NEK10: variants seen among roughly 807,000 people sequenced by gnomAD.
NEK10 encodes serine/threonine-protein kinase Nek10.
A neutral mutation model predicts 159.8 loss-of-function variants in NEK10; 122 were observed. The observed-to-expected ratio is 0.76, with a 90% CI of 0.66 to 0.89. The LOEUF (loss-of-function observed/expected upper bound fraction) is 0.89. Ranked by LOEUF, NEK10 falls within the 40% of genes least tolerant of loss-of-function variation. The pLI is 0.00. For synonymous variants in NEK10, 466 were observed against 457.1 expected (o/e 1.02, Z -0.25); for missense variants, 1,342 against 1,323.1 (o/e 1.01, Z -0.22).
At chr3:27,157,649 A>C (rs1450292842) in intron 30 of NEK10, among the ~76,000 whole-genome samples, 3 of 152,192 alleles carry the variant, frequency 2.0e-5, no homozygotes, top group Admixed American at 2.0e-4. Flanking sequence ...TAGTCTATAA[A>C]TTTAGTTCAT....
chr3:27,211,648 GC>G (rs1029066996), intron 23 of NEK10, among the ~76,000 whole-genome samples: 1 of 152,014 alleles, frequency 6.6e-6, no homozygotes, highest in Non-Finnish European at 1.5e-5. Flanking sequence ...CCTGATCTTT[GC>G]CCCTAGTTCA....
At chr3:27,348,733 C>T (rs926885834) in intron 3 of NEK10, among the ~76,000 whole-genome samples, 1 of 152,118 alleles carries the variant, frequency 6.6e-6, no homozygotes, top group African/African-American at 2.4e-5. Flanking sequence ...TTATCTCAGG[C>T]TAGTATAATG....
chr3:27,223,652 C>A (rs1464425954), intron 23 of NEK10, among the ~76,000 whole-genome samples: 2 of 152,106 alleles, frequency 1.3e-5, no homozygotes, highest in Admixed American at 6.5e-5. Context: ...GTCACCCCAA[C>A]CTTCCTGTCT....
chr3:27,351,057 G>T (rs527370633), intron 3 of NEK10, among the ~76,000 whole-genome samples: 3 of 152,072 alleles, frequency 2.0e-5, no homozygotes, highest in African/African-American at 7.2e-5. Context: ...TTTCCAAAGC[G>T]CAGGAGAAAA....
At chr3:27,222,506 A>G (rs1010535375) in intron 23 of NEK10, among the ~76,000 whole-genome samples, 2 of 152,260 alleles carry the variant, frequency 1.3e-5, no homozygotes, top group African/African-American at 4.8e-5. Context: ...AGAATGAAAA[A>G]CATCGAAATA....
chr3:27,205,812 T>C (rs35315789), intron 23 of NEK10, among the ~76,000 whole-genome samples: 31,746 of 140,230 alleles, frequency 0.23, 3,870 homozygotes, highest in Middle Eastern at 0.37. Flanking sequence ...GGACTTCATG[T>C]CCAAAACACC....
chr3:27,158,483 TAA>T (rs1945714264), intron 30 of NEK10, among the ~76,000 whole-genome samples: 1 of 152,026 alleles, frequency 6.6e-6, no homozygotes, highest in Admixed American at 6.6e-5. Context: ...GAGCAAAAAA[TAA>T]AAAACATTGA....
chr3:27,202,347 A>G, intron 24 of NEK10, 81 bp downstream of exon 24: 1 of 1,394,204 alleles, frequency 7.2e-7, no homozygotes, highest in Non-Finnish European at 9.7e-7. Context: ...AGTTATATAC[A>G]AATCACAAAG....
At chr3:27,347,300 A>G (rs890041237) in intron 3 of NEK10, among the ~76,000 whole-genome samples, 1 of 152,026 alleles carries the variant, frequency 6.6e-6, no homozygotes, top group South Asian at 2.1e-4. Context: ...GGATCACCTG[A>G]GTTCGGGAGC....
intron 23 of NEK10, among the ~76,000 whole-genome samples, chr3:27,249,552 T>C (rs1955439262): frequency 6.6e-6 from 1 of 152,196 alleles, no homozygotes; most frequent in Non-Finnish European, 1.5e-5. Context: ...TCTGCTCTTT[T>C]TTGGCTTCCA....
At chr3:27,347,032 GT>G in intron 3 of NEK10, among the ~76,000 whole-genome samples, 1 of 152,080 alleles carries the variant, frequency 6.6e-6, no homozygotes. Flanking sequence ...CAAATATCCT[GT>G]TTTTTCCAAA....
intron 5 of NEK10, among the ~76,000 whole-genome samples, chr3:27,326,834 G>T (rs1313863374): frequency 6.6e-6 from 1 of 152,194 alleles, no homozygotes; most frequent in Non-Finnish European, 1.5e-5. Context: ...AAGAGCAGTT[G>T]TTCCTTCCTT....
At chr3:27,267,756 A>G (rs1337804661) in intron 22 of NEK10, among the ~76,000 whole-genome samples, 1 of 152,218 alleles carries the variant, frequency 6.6e-6, no homozygotes, top group Non-Finnish European at 1.5e-5. Context: ...GTTAATAACC[A>G]TACATTGGCC....
chr3:27,353,197 C>G (rs1160802234), intron 1 of NEK10, among the ~76,000 whole-genome samples: 1 of 152,076 alleles, frequency 6.6e-6, no homozygotes, highest in East Asian at 1.9e-4. Context: ...TTTTCTTAAT[C>G]AATTTCTAAT....
chr3:27,112,816 A>G (rs947720565), intron 35 of NEK10, among the ~76,000 whole-genome samples: 7 of 152,202 alleles, frequency 4.6e-5, no homozygotes, highest in Admixed American at 6.5e-5. Context: ...TGCCCATTCT[A>G]TGAAACCTAT....
rs540525148 is a variant in NEK10, at chr3:27,251,208, C to T, written c.2090+5088G>A. On this transcript the variant is annotated intron_variant, in intron 23 of 35. Coordinates refer to ENST00000691995, the MANE Select transcript of NEK10 (RefSeq NM_001394966.1). ...CTCAATAGCCGATCTAGAATTTAAA[C>T]CCAGGCCATCTGATTCTAGAGTTTG... Among the ~76,000 whole-genome samples the T allele has an allele frequency of 1.2e-4, 19 of 152,280 alleles. No homozygotes were observed. The East Asian group carries it at 3.5e-3, about 28-fold the overall frequency.
intron 31 of NEK10, among the ~76,000 whole-genome samples, chr3:27,140,869 C>G (rs1012458691): frequency 6.6e-6 from 1 of 152,116 alleles, no homozygotes; most frequent in Admixed American, 6.6e-5. Flanking sequence ...ATAACAGTGA[C>G]TTTCATGTCC....
Position 27,107,918 on chromosome 3 carries a change from T to C in NEK10, c.*3354A>G, listed in dbSNP as rs1249573503. ...CTTCAAAAAAAGAGAAAAATAGCAA[T>C]ACATACATGCTATAATACATCAAAT... On this transcript the variant is annotated 3_prime_UTR_variant, in exon 36 of 36. Coordinates refer to ENST00000691995, the MANE Select transcript of NEK10 (RefSeq NM_001394966.1). 6.6e-6 allele frequency among the ~76,000 whole-genome samples: 1 copy of C among 152,160 alleles called. No homozygotes were observed. The highest frequency in any genetic ancestry group is 1.5e-5 in the Non-Finnish European group (1 of 68,014).
At chr3:27,162,155 G>A in intron 30 of NEK10, 1 of 313,728 alleles carries the variant, frequency 3.2e-6, no homozygotes, top group South Asian at 6.5e-5. Context: ...TGTAAAACAT[G>A]GTTACTATTT....
Sources: allele counts gnomAD v4.1 joint callset (sites outside exome capture counted in the v4.1 genomes callset), GRCh38; gene constraint gnomAD v4.1.1; transcripts MANE v1.5; gene names NCBI Gene and HGNC (gene_info 2026-07-23, HGNC 2026-07-21).